SRCIN1: variants seen among roughly 807,000 people sequenced by gnomAD.
SRCIN1 encodes P130Cas-associated protein.
Under a neutral mutation model 116.2 loss-of-function variants are expected in SRCIN1, and 50 were observed. The ratio of observed to expected loss-of-function variants is 0.43; its 90% CI spans 0.34 to 0.54. The LOEUF is 0.54. SRCIN1 is among the 20% of genes least tolerant of loss of function. The pLI, the probability that SRCIN1 is intolerant of heterozygous loss-of-function variation, is 0.02. For missense variants in SRCIN1, 1,446 were observed against 1,672.0 expected, an observed-to-expected ratio of 0.86 and a Z score of 2.36; for synonymous variants, 736 against 750.0, an observed-to-expected ratio of 0.98 and a Z score of 0.30.
chr17:38,534,281 C>T (rs953414020), intron 18 of SRCIN1, among the ~76,000 whole-genome samples: 1 of 152,214 alleles, frequency 6.6e-6, no homozygotes, highest in Non-Finnish European at 1.5e-5. Flanking sequence ...CTCCAGGGGC[C>T]ACCCTCTGGC....
At position 38,562,096 on chromosome 17, in the gene SRCIN1, G is replaced by T. The variant is rs1324256368; in HGVS notation, c.1067C>A (p.Pro356Gln). 1 of 1,436,534 alleles carries T rather than the reference G, an allele frequency of 7.0e-7. No homozygotes were observed. The allele number at this position is 1,436,534 out of a possible 1,614,324, so 89.0% of individuals were successfully genotyped here. A position where few individuals can be genotyped will look rare whatever the true frequency, so the allele number is the denominator to read the frequency against. Residue 356 changes from proline (P) to glutamine (Q), a missense_variant, in exon 7 of 19, where the codon CCG becomes CAG. Coordinates refer to ENST00000617146, the MANE Select transcript of SRCIN1 (RefSeq NM_025248.3). This position sits in a 1 kb window ranked among gnomAD's most constrained non-coding sequence, Gnocchi z 4.2. ...GCTGGGGCTGACGCCCTGGGCGGCC[G>T]GGGCGCCTCCCAGCCTCTCGGCCGC... ...HHAAERLGGA[P>Q]AAQGVSPSPS...
intron 1 of SRCIN1, among the ~76,000 whole-genome samples, chr17:38,588,914 G>A (rs930460723): frequency 2.0e-5 from 3 of 152,170 alleles, no homozygotes; most frequent in Non-Finnish European, 4.4e-5. Flanking sequence ...CTCTCCCTAG[G>A]AGGCCTTGTC....
At chr17:38,599,404 C>T (rs1012376471) in intron 1 of SRCIN1, among the ~76,000 whole-genome samples, 1 of 152,158 alleles carries the variant, frequency 6.6e-6, no homozygotes, top group South Asian at 2.1e-4. Flanking sequence ...CAGCAGGGTC[C>T]CCTGCACTCT....
chr17:38,539,043 A>G (rs1188568109), intron 18 of SRCIN1, among the ~76,000 whole-genome samples: 1 of 152,140 alleles, frequency 6.6e-6, no homozygotes, highest in Non-Finnish European at 1.5e-5. Flanking sequence ...AACCTTTCAG[A>G]TTTGCTTTGG....
At chr17:38,548,420 G>A in intron 17 of SRCIN1, 137 bp downstream of exon 17, 1 of 1,005,022 alleles carries the variant, frequency 1.0e-6, no homozygotes, top group Admixed American at 2.4e-5. Context: ...GCAAAAGGCT[G>A]GGGTCTGAAC....
chr17:38,531,608 T>C lies in SRCIN1; in HGVS notation c.*1689A>G, dbSNP rs2144867327. 6.7e-6 allele frequency: 1 copy of C among 148,826 alleles called. No homozygotes were observed. The highest frequency in any genetic ancestry group is 1.5e-5 in the Non-Finnish European group (1 of 67,238). The allele number at this position is 148,826 out of a possible 1,614,324, so 9.2% of individuals were successfully genotyped here. On this transcript the variant is annotated 3_prime_UTR_variant, in exon 19 of 19. Transcript: ENST00000617146. ...TTTTTTCCAGGAGGGATTTTTTTTT[T>C]CCTCTTTTGTTATTTTTCAAAAAGG...
In SRCIN1 at chr17:38,585,104, A is replaced by G. The variant is rs1463018698; in HGVS notation, c.23-6313T>C. On this transcript the variant is annotated intron_variant, in intron 1 of 18. Transcript: ENST00000617146. The surrounding 1 kb of genome is among the most constrained non-coding windows in gnomAD (Gnocchi z 4.2). ...CCCGACCCACTGCCTGGGCAGGGGT[A>G]GGAGCTGGGTTATAGCCCTGGCAGG... is the stretch of plus-strand genomic sequence containing the variant. Among the ~76,000 whole-genome samples, 1 of 152,220 alleles carries G rather than the reference A, an allele frequency of 6.6e-6. No individual in the cohort carries two copies. Among genetic ancestry groups the G allele is most frequent in the Non-Finnish European group, 1.5e-5 (1 of 68,032 alleles).
intron 1 of SRCIN1, among the ~76,000 whole-genome samples, chr17:38,591,969 C>G (rs1908466110): frequency 1.3e-5 from 2 of 152,220 alleles, no homozygotes. Context: ...TGTCTGGCAG[C>G]CAGTCACTGT....
chr17:38,551,389 C>T lies in SRCIN1; in HGVS notation c.2728G>A (p.Ala910Thr). 1 of 1,603,178 alleles carries T rather than the reference C, an allele frequency of 6.2e-7. No individual in the cohort carries two copies. Among genetic ancestry groups the T allele is most frequent in the East Asian group, 2.2e-5 (1 of 44,512 alleles). Reference protein sequence around the residue: ...RSVDKAVSVEAAERDWEEKRA... With the variant: ...RSVDKAVSVETAERDWEEKRA... ...TTCTCCTCCCAGTCTCGCTCTGCAG[C>T]CTTAACAGGGAGCCAGGAGTCAGGA... Residue 910 changes from alanine to threonine, a missense_variant and splice_region_variant, in exon 15 of 19, where the codon GCT (alanine) becomes ACT (threonine). Ala to Thr is a moderately conservative substitution (Grantham distance 58, BLOSUM62 0). Around this residue, in one of 5 missense-constraint regions of SRCIN1, gnomAD observed 531 missense variants for 633.9 expected, o/e 0.84. Transcript: ENST00000617146.
At chr17:38,591,038 T>C (rs1908413359) in intron 1 of SRCIN1, among the ~76,000 whole-genome samples, 1 of 151,782 alleles carries the variant, frequency 6.6e-6, no homozygotes, top group African/African-American at 2.4e-5. Context: ...GAAGTGGGGG[T>C]CCCACAGTCC....
chr17:38,533,450 T>G lies in SRCIN1; in HGVS notation c.3418-19A>C. 2 of 1,610,122 alleles carry G rather than the reference T, an allele frequency of 1.2e-6. No individual in the cohort carries two copies. Among genetic ancestry groups the G allele is most frequent in the Non-Finnish European group, 1.7e-6 (2 of 1,178,350 alleles). ...TAGTGGCCTGGAACAAAAACAGGGG[T>G]CAGGGGTCAGAGAGCGGAAGGGAGC... is the stretch of plus-strand genomic sequence containing the variant. On this transcript the variant is annotated intron_variant, in intron 18 of 18. Coordinates refer to ENST00000617146, the MANE Select transcript of SRCIN1 (RefSeq NM_025248.3).
At position 38,563,426 on chromosome 17, in the gene SRCIN1, T is replaced by C. The variant is rs1906423593; in HGVS notation, c.637A>G (p.Met213Val). 6 of 1,568,388 alleles carry C rather than the reference T, an allele frequency of 3.8e-6. No homozygotes were observed. The East Asian group carries it at 1.2e-4, about 31-fold the overall frequency. Residue 213 changes from methionine (M) to valine (V), a missense_variant, in exon 5 of 19, where the codon ATG (methionine) becomes GTG (valine). This residue lies in a region of SRCIN1 where 32 missense variants were observed against 69.7 expected (regional missense o/e 0.46). Coordinates refer to ENST00000617146, the MANE Select transcript of SRCIN1 (RefSeq NM_025248.3). This position sits in a 1 kb window ranked among gnomAD's most constrained non-coding sequence, Gnocchi z 5.8. ...LDTLHALIAH[M>V]FPQKLTMGML... ...CCCATGGTGAGCTTCTGCGGGAACA[T>C]GTGCGCGATGAGTGCGTGCAGCGTG...
intron 1 of SRCIN1, among the ~76,000 whole-genome samples, chr17:38,593,609 T>C (rs926519223): frequency 1.3e-5 from 2 of 152,126 alleles, no homozygotes; most frequent in African/African-American, 2.4e-5. Flanking sequence ...GTTGTGAGGA[T>C]GAAATGAACT....
rs757036578 is a variant in SRCIN1, at chr17:38,568,184, A to G, written c.345+27T>C. 8 of 1,612,310 alleles carry G rather than the reference A, an allele frequency of 5.0e-6. No homozygotes were observed. The highest frequency in any genetic ancestry group is 6.8e-6 in the Non-Finnish European group (8 of 1,179,094). On this transcript the variant is annotated intron_variant, in intron 3 of 18. Transcript: ENST00000617146. The surrounding 1 kb of genome is among the most constrained non-coding windows in gnomAD (Gnocchi z 4.5). Reference sequence around the variant, plus strand: ...GGGAGGGAGAGCACATGCAGTTGTCATGGGAGCAGAGGCATCACACACTGA... The same window carrying G: ...GGGAGGGAGAGCACATGCAGTTGTCGTGGGAGCAGAGGCATCACACACTGA...
intron 18 of SRCIN1, among the ~76,000 whole-genome samples, chr17:38,534,529 A>G (rs780393740): frequency 4.6e-5 from 7 of 152,194 alleles, no homozygotes; most frequent in Non-Finnish European, 7.3e-5. Flanking sequence ...AAAAAGATCC[A>G]AAAGATAAGA....
chr17:38,563,687 CGGGGG>C lies in SRCIN1; in HGVS notation c.542-171_542-167del. On this transcript the variant is annotated intron_variant, in intron 4 of 18. Coordinates refer to ENST00000617146, the MANE Select transcript of SRCIN1 (RefSeq NM_025248.3). This position sits in a 1 kb window ranked among gnomAD's most constrained non-coding sequence, Gnocchi z 5.8. ...ACCCAGGCACCTCTCATGCTGCCGG[CGGGGG>C]CGCCAGGCCGGCTCTCCAGCCTCTC... 1.0e-6 allele frequency: 1 copy of C among 996,076 alleles called. No homozygotes were observed. The highest frequency in any genetic ancestry group is 1.5e-6 in the Non-Finnish European group (1 of 656,606). 61.7% of individuals were successfully genotyped at this position (996,076 alleles called of 1,614,324 possible).
At chr17:38,603,391 C>A (rs1404473217) in intron 1 of SRCIN1, among the ~76,000 whole-genome samples, 1 of 152,012 alleles carries the variant, frequency 6.6e-6, no homozygotes, top group Non-Finnish European at 1.5e-5. Flanking sequence ...CAGGGGAAAG[C>A]CTGGGGTGGG....
chr17:38,548,682 G>C lies in SRCIN1; in HGVS notation c.3145C>G (p.Gln1049Glu). 1 of 1,609,692 alleles carries C rather than the reference G, an allele frequency of 6.2e-7. No homozygotes were observed. Among genetic ancestry groups the C allele is most frequent in the Non-Finnish European group, 8.5e-7 (1 of 1,178,654 alleles). The change falls in exon 17 of 19, where the codon CAG becomes GAG. Residue 1049 changes from glutamine to glutamate, a missense_variant. Gln to Glu is a conservative substitution (Grantham distance 29, BLOSUM62 2). This residue lies in a region of SRCIN1 where 531 missense variants were observed against 633.9 expected (regional missense o/e 0.84). Coordinates refer to ENST00000617146, the MANE Select transcript of SRCIN1 (RefSeq NM_025248.3). Reference sequence around the variant, plus strand: ...CGGCGCAGCTTCACCTGGGGCTTCTGCACCTCCAGCTCCTCGGACTCAGCC... The same window carrying C: ...CGGCGCAGCTTCACCTGGGGCTTCTCCACCTCCAGCTCCTCGGACTCAGCC... ...KKAESEELEV[Q>E]KPQVKLRRAV... is the part of the protein sequence containing the mutation.
intron 1 of SRCIN1, among the ~76,000 whole-genome samples, chr17:38,598,174 A>G (rs1466521492): frequency 6.6e-6 from 1 of 152,060 alleles, no homozygotes; most frequent in Non-Finnish European, 1.5e-5. Flanking sequence ...CTAACTTTCC[A>G]TGGATAAGGG....
Sources: gnomAD v4.1 joint callset for allele counts (sites outside exome capture counted in the v4.1 genomes callset) on GRCh38, gnomAD v4.1.1 for gene constraint, gnomAD v4.1.1 regional missense constraint, Gnocchi (gnomAD v3.1) non-coding constraint, MANE v1.5 for transcripts, NCBI Gene and HGNC (gene_info 2026-07-23, HGNC 2026-07-21) for gene names.